Variants in LARP4B observed in about 807,000 individuals in gnomAD.
LARP4B encodes La ribonucleoprotein 4B.
LARP4B carries 12 observed loss-of-function variants against 89.8 expected under a neutral mutation model. That is an observed-to-expected ratio of 0.13 (90% CI 0.09 to 0.22). The LOEUF is 0.22. Ranked by LOEUF, LARP4B falls within the 10% of genes least tolerant of loss-of-function variation. The pLI is 1.00. For synonymous variants in LARP4B, 367 were observed against 363.3 expected (o/e 1.01, Z -0.12); for missense variants, 757 against 947.7 (o/e 0.80, Z 2.64).
chr10:832,435 A>T (rs1314066535), intron 8 of LARP4B, among the ~76,000 whole-genome samples: 1 of 152,244 alleles, frequency 6.6e-6, no homozygotes, highest in East Asian at 1.9e-4. Flanking sequence ...TTAACAGCTG[A>T]CTAGACACTT....
chr10:957,654 T>C, the LARP4B span, among the ~76,000 whole-genome samples: 1 of 152,218 alleles, frequency 6.6e-6, no homozygotes, highest in Non-Finnish European at 1.5e-5. Flanking sequence ...TCCTTAATTG[T>C]GTTCTTATGA....
chr10:926,893 G>T (rs566196253), intron 1 of LARP4B, among the ~76,000 whole-genome samples: 2 of 152,026 alleles, frequency 1.3e-5, no homozygotes, highest in African/African-American at 4.8e-5. Context: ...AAAATTAGCC[G>T]GGCGTGGTGG....
the LARP4B span, among the ~76,000 whole-genome samples, chr10:951,435 C>T: frequency 1.3e-5 from 2 of 151,918 alleles, no homozygotes; most frequent in Admixed American, 1.3e-4. Context: ...GTAATCCCAA[C>T]TCGAGAGGCT....
At chr10:908,621 T>C (rs1289441875) in intron 1 of LARP4B, among the ~76,000 whole-genome samples, 1 of 152,150 alleles carries the variant, frequency 6.6e-6, no homozygotes, top group Non-Finnish European at 1.5e-5. Context: ...AACTGATTGG[T>C]TGCTGGTGGG....
intron 5 of LARP4B, among the ~76,000 whole-genome samples, chr10:857,570 G>A (rs1183682186): frequency 4.6e-5 from 7 of 152,292 alleles, no homozygotes; most frequent in South Asian, 2.1e-4. Flanking sequence ...TACGATTTTC[G>A]GATCAGGTCG....
At chr10:961,248 C>T in the LARP4B span, among the ~76,000 whole-genome samples, 1 of 152,224 alleles carries the variant, frequency 6.6e-6, no homozygotes, top group Non-Finnish European at 1.5e-5. Flanking sequence ...TTAGTCCATT[C>T]GTGTTGCTAT....
chr10:947,371 G>A, the LARP4B span, among the ~76,000 whole-genome samples: 3 of 151,918 alleles, frequency 2.0e-5, no homozygotes, highest in Admixed American at 6.6e-5. Flanking sequence ...TGGCTCTCGG[G>A]GGCAGGATGG....
intron 8 of LARP4B, among the ~76,000 whole-genome samples, chr10:833,249 TAAAAAAAAAAA>T (rs56788542): frequency 0.013 from 672 of 52,038 alleles, 8 homozygotes; most frequent in African/African-American, 0.04. Flanking sequence ...TGATGAGCTT[TAAAAAAAAAAA>T]AAAAAAAAAA....
chr10:959,071 C>A, the LARP4B span, among the ~76,000 whole-genome samples: 1 of 152,068 alleles, frequency 6.6e-6, no homozygotes, highest in Non-Finnish European at 1.5e-5. Flanking sequence ...GTTGCCGAGT[C>A]CCTGGAGATG....
At chr10:863,912 C>G (rs942255347) in intron 4 of LARP4B, 29 bp from the exon 5 acceptor site, 1 of 1,603,300 alleles carries the variant, frequency 6.2e-7, no homozygotes, top group Non-Finnish European at 8.5e-7. Context: ...CCCAAAAAGG[C>G]AGGGTTAGAA....
Position 814,854 on chromosome 10 carries a change from T to G in LARP4B, c.1821-4A>C. 6.3e-7 allele frequency: 1 copy of G among 1,588,400 alleles called. No homozygotes were observed. The highest frequency in any genetic ancestry group is 1.1e-5 in the South Asian group (1 of 89,208). On this transcript the variant is annotated splice_region_variant and splice_polypyrimidine_tract_variant and intron_variant, in intron 16 of 17. Coordinates refer to ENST00000316157, the MANE Select transcript of LARP4B (RefSeq NM_015155.3). The surrounding 1 kb of genome is among the most constrained non-coding windows in gnomAD (Gnocchi z 4.4). Reference sequence around the variant, plus strand: ...TTTCTCCGCCACCTTGGGATCACTGTAAAAATGCCACCCGATATTTGAATC... The same window carrying G: ...TTTCTCCGCCACCTTGGGATCACTGGAAAAATGCCACCCGATATTTGAATC...
rs1018588933 is a variant in LARP4B, at chr10:827,046, G to T, written c.1126-1176C>A. ...CCCCAGCACTTTGGGAGGCCAAGGGGGGGCGGATCAAAAGGTCAGGAGATC... is the reference window on the plus strand; with the variant it reads ...CCCCAGCACTTTGGGAGGCCAAGGGTGGGCGGATCAAAAGGTCAGGAGATC... On this transcript the variant is annotated intron_variant, in intron 11 of 17. Transcript: ENST00000316157. Among the ~76,000 whole-genome samples the T allele has an allele frequency of 2.6e-5, 4 of 152,198 alleles. No individual in the cohort carries two copies. In the South Asian group the frequency reaches 6.2e-4, roughly 24 times the overall value.
chr10:833,258 A>T (rs1210935265), intron 8 of LARP4B, among the ~76,000 whole-genome samples: 2 of 93,046 alleles, frequency 2.1e-5, no homozygotes, highest in African/African-American at 4.1e-5. Context: ...TTAAAAAAAA[A>T]AAAAAAAAAA....
At chr10:851,579 A>T (rs181146638) in intron 5 of LARP4B, among the ~76,000 whole-genome samples, 1 of 152,310 alleles carries the variant, frequency 6.6e-6, no homozygotes, top group East Asian at 1.9e-4. Context: ...AACAGAGATG[A>T]GTGATGTAAC....
rs530604518 is a variant in LARP4B at position 905,836 on chromosome 10, C to T, written c.-39-20076G>A. 3.9e-5 allele frequency among the ~76,000 whole-genome samples: 6 copies of T among 152,296 alleles called. No individual in the cohort carries two copies. The East Asian group carries it at 9.7e-4, about 25-fold the overall frequency. On this transcript the variant is annotated intron_variant, in intron 1 of 17. Transcript: ENST00000316157. ...ACTTTCCTTCTACAAGAACCAGCCT[C>T]CTGCTTGCTGGTGGACAGGGAGGAC...
At chr10:880,869 T>C (rs1564428090) in intron 3 of LARP4B, among the ~76,000 whole-genome samples, 2 of 152,194 alleles carry the variant, frequency 1.3e-5, no homozygotes, top group Admixed American at 6.5e-5. Context: ...CTACCTAATA[T>C]TACCTGTCCC....
At chr10:930,209 T>C in intron 1 of LARP4B, among the ~76,000 whole-genome samples, 1 of 151,992 alleles carries the variant, frequency 6.6e-6, no homozygotes, top group Non-Finnish European at 1.5e-5. Context: ...TTCAAACAAC[T>C]GAAACTAAGA....
At position 910,730 on chromosome 10, in the gene LARP4B, G is replaced by A. The variant is rs562101483; in HGVS notation, c.-40+20698C>T. On this transcript the variant is annotated intron_variant, in intron 1 of 17. Coordinates refer to ENST00000316157, the MANE Select transcript of LARP4B (RefSeq NM_015155.3). ...GGCAGAGGTTTGGGATAAAGGACTGGCAGATACTGGTGGTTACGTTTTATA... is the reference window on the plus strand; with the variant it reads ...GGCAGAGGTTTGGGATAAAGGACTGACAGATACTGGTGGTTACGTTTTATA... Among the ~76,000 whole-genome samples the A allele has an allele frequency of 5.9e-5, 9 of 152,308 alleles. No homozygotes were observed. The South Asian group carries it at 1.9e-3, about 32-fold the overall frequency.
rs1832306848 is a variant in LARP4B, at chr10:820,687, C to CT, written c.1530+112dup. 9 of 968,086 alleles carry CT rather than the reference C, an allele frequency of 9.3e-6. No homozygotes were observed. The East Asian group carries it at 1.2e-4, about 13-fold the overall frequency. 60.0% of individuals were successfully genotyped at this position (968,086 alleles called of 1,614,324 possible). A position where few individuals can be genotyped will look rare whatever the true frequency, so the allele number is the denominator to read the frequency against. On this transcript the variant is annotated intron_variant, in intron 14 of 17. Coordinates refer to ENST00000316157, the MANE Select transcript of LARP4B (RefSeq NM_015155.3). ...ACTTAGTGGATTTCACGTTACAAGT[C>CT]TTTTGAAATGCTCATTCTTGTGCCT...
Sources: allele counts gnomAD v4.1 joint callset (sites outside exome capture counted in the v4.1 genomes callset), GRCh38; gene constraint gnomAD v4.1.1; non-coding constraint Gnocchi (gnomAD v3.1); transcripts MANE v1.5; gene names NCBI Gene and HGNC (gene_info 2026-07-23, HGNC 2026-07-21).